GALNT13: variants seen among roughly 807,000 people sequenced by gnomAD.
GALNT13 encodes the protein polypeptide N-acetylgalactosaminyltransferase 13.
GALNT13 carries 28 observed loss-of-function variants against 64.2 expected under a neutral mutation model. The observed-to-expected ratio is 0.44, with a 90% CI of 0.32 to 0.60. The LOEUF (loss-of-function observed/expected upper bound fraction) is 0.60. GALNT13 is among the 20% of genes least tolerant of loss of function. GALNT13 has a pLI of 0.05. For missense variants in GALNT13, 577 were observed against 669.8 expected (o/e 0.86, Z 1.53); for synonymous variants, 214 against 224.6 (o/e 0.95, Z 0.42).
At chr2:153,947,996 T>G (rs1574180522) in intron 3 of GALNT13, among the ~76,000 whole-genome samples, 3 of 152,116 alleles carry the variant, frequency 2.0e-5, no homozygotes. Flanking sequence ...GTTGTAGGTG[T>G]GTGAACTTAT....
intron 3 of GALNT13, among the ~76,000 whole-genome samples, chr2:154,115,170 C>T (rs1377809421): frequency 1.3e-5 from 2 of 152,186 alleles, no homozygotes; most frequent in Non-Finnish European, 2.9e-5. Context: ...GTCTTGGGAT[C>T]TCTTCCTCTA....
chr2:153,075,441 CA>C, the GALNT13 span, among the ~76,000 whole-genome samples: 6 of 152,086 alleles, frequency 3.9e-5, no homozygotes, highest in Non-Finnish European at 8.8e-5. Flanking sequence ...TCTTACAATT[CA>C]GATAACTGTC....
At chr2:154,314,162 A>G (rs1465775579) in intron 9 of GALNT13, among the ~76,000 whole-genome samples, 1 of 152,184 alleles carries the variant, frequency 6.6e-6, no homozygotes, top group African/African-American at 2.4e-5. Context: ...AACTCCTTTC[A>G]TCTTTCAACC....
chr2:154,057,686 G>T (rs1238362842), intron 3 of GALNT13, among the ~76,000 whole-genome samples: 1 of 152,088 alleles, frequency 6.6e-6, no homozygotes, highest in Non-Finnish European at 1.5e-5. Flanking sequence ...AATGGCAAGG[G>T]AATTCTTTAT....
At chr2:153,393,964 ACACACACACACACACACACACACACACC>A in the GALNT13 span, among the ~76,000 whole-genome samples, 1 of 94,710 alleles carries the variant, frequency 1.1e-5, no homozygotes, top group Non-Finnish European at 2.3e-5. Context: ...ACACACACAC[ACACACACACACACACACACACACACACC>A]CCCTATTGGT....
At chr2:154,100,981 T>C (rs1702317917) in intron 3 of GALNT13, among the ~76,000 whole-genome samples, 1 of 152,180 alleles carries the variant, frequency 6.6e-6, no homozygotes, top group South Asian at 2.1e-4. Flanking sequence ...TTTTTGTTTC[T>C]AATCTTATTT....
At chr2:153,334,325 T>C in the GALNT13 span, among the ~76,000 whole-genome samples, 1 of 152,204 alleles carries the variant, frequency 6.6e-6, no homozygotes, top group African/African-American at 2.4e-5. Flanking sequence ...AAAATATTCA[T>C]TTAATGAGAA....
At chr2:153,393,255 T>C in the GALNT13 span, among the ~76,000 whole-genome samples, 8 of 147,806 alleles carry the variant, frequency 5.4e-5, no homozygotes, top group Non-Finnish European at 7.6e-5. Context: ...AATAACAGAC[T>C]CAGAAGTCTC....
At chr2:153,873,277 G>A (rs558592209) in intron 1 of GALNT13, among the ~76,000 whole-genome samples, 1 of 152,198 alleles carries the variant, frequency 6.6e-6, no homozygotes, top group African/African-American at 2.4e-5. Flanking sequence ...GGCGCAAGGG[G>A]TTAGAGTGGA....
chr2:154,251,171 C>T (rs1006468679), intron 7 of GALNT13, among the ~76,000 whole-genome samples: 1 of 152,006 alleles, frequency 6.6e-6, no homozygotes, highest in Non-Finnish European at 1.5e-5. Context: ...TTAAATATTA[C>T]ATTTATATAC....
At chr2:153,306,168 C>CA in the GALNT13 span, among the ~76,000 whole-genome samples, 1 of 152,182 alleles carries the variant, frequency 6.6e-6, no homozygotes, top group Admixed American at 6.5e-5. Flanking sequence ...TCCCCTTCTC[C>CA]AAGTTGCCCA....
the GALNT13 span, among the ~76,000 whole-genome samples, chr2:153,193,163 G>A: frequency 2.0e-5 from 3 of 151,390 alleles, no homozygotes; most frequent in East Asian, 1.9e-4. Flanking sequence ...TATTTATTGC[G>A]GCATTATTCA....
At chr2:154,260,282 T>A (rs530832039) in intron 8 of GALNT13, among the ~76,000 whole-genome samples, 4 of 152,278 alleles carry the variant, frequency 2.6e-5, no homozygotes, top group African/African-American at 9.6e-5. Context: ...AGTTTAAAAA[T>A]TATGCCTTTT....
intron 9 of GALNT13, among the ~76,000 whole-genome samples, chr2:154,318,794 T>A (rs948388808): frequency 2.6e-5 from 4 of 152,120 alleles, no homozygotes; most frequent in African/African-American, 9.7e-5. Flanking sequence ...ATTAGTTGTT[T>A]CAGTTATTCA....
At chr2:153,638,100 G>A in the GALNT13 span, among the ~76,000 whole-genome samples, 1 of 151,352 alleles carries the variant, frequency 6.6e-6, no homozygotes, top group Non-Finnish European at 1.5e-5. Flanking sequence ...CCAAGAAGAG[G>A]GAGGGGAATG....
intron 9 of GALNT13, among the ~76,000 whole-genome samples, chr2:154,327,108 G>A (rs528782172): frequency 4.6e-5 from 7 of 152,094 alleles, no homozygotes; most frequent in African/African-American, 1.4e-4. Flanking sequence ...CCCCCATGCT[G>A]TTCTCACTAT....
the GALNT13 span, among the ~76,000 whole-genome samples, chr2:153,423,037 G>C: frequency 6.6e-6 from 1 of 151,802 alleles, no homozygotes; most frequent in African/African-American, 2.4e-5. Flanking sequence ...ACTATACTTT[G>C]ATAAAATCTG....
chr2:153,991,472 A>G (rs918826942), intron 3 of GALNT13, among the ~76,000 whole-genome samples: 1 of 152,174 alleles, frequency 6.6e-6, no homozygotes, highest in African/African-American at 2.4e-5. Context: ...CAGAGGTTCC[A>G]GTGAAGGAGG....
At chr2:153,302,468 C>T in the GALNT13 span, among the ~76,000 whole-genome samples, 1 of 151,848 alleles carries the variant, frequency 6.6e-6, no homozygotes, top group Admixed American at 6.6e-5. Flanking sequence ...GATATTAACC[C>T]CTTATCAGAT....
Sources: gnomAD v4.1 joint callset for allele counts (sites outside exome capture counted in the v4.1 genomes callset) on GRCh38, gnomAD v4.1.1 for gene constraint, MANE v1.5 for transcripts, NCBI Gene and HGNC (gene_info 2026-07-23, HGNC 2026-07-21) for gene names.